Variants in SPEF2 observed in about 807,000 individuals in gnomAD.
SPEF2 encodes sperm flagellar and cilia associated 2.
A neutral mutation model predicts 224.6 loss-of-function variants in SPEF2; 187 were observed. The ratio of observed to expected loss-of-function variants is 0.83; its 90% CI spans 0.74 to 0.94. SPEF2 has a LOEUF of 0.94. SPEF2 is among the 40% of genes least tolerant of loss of function. SPEF2 has a pLI of 0.00. For missense variants in SPEF2, 2,170 were observed against 2,135.6 expected, an observed-to-expected ratio of 1.02 and a Z score of -0.32; for synonymous variants, 715 against 707.3, an observed-to-expected ratio of 1.01 and a Z score of -0.17.
chr5:35,785,626 C>G (rs1008155841), intron 30 of SPEF2, among the ~76,000 whole-genome samples: 3 of 150,518 alleles, frequency 2.0e-5, no homozygotes, highest in Admixed American at 1.3e-4. Flanking sequence ...CTCACTACAG[C>G]CTCAGCACAA....
At position 35,705,724 on chromosome 5, in the gene SPEF2, A is replaced by G. The variant is rs751534578; in HGVS notation, c.2581A>G (p.Ile861Val). 75 of 1,588,416 alleles carry G rather than the reference A, an allele frequency of 4.7e-5. No individual in the cohort carries two copies. The highest frequency in any genetic ancestry group is 6.2e-5 in the Non-Finnish European group (73 of 1,168,316). Residue 861 changes from isoleucine to valine, a missense_variant, in exon 18 of 37, where the codon ATC (isoleucine) becomes GTC (valine). Ile to Val is a conservative substitution (Grantham distance 29). Coordinates refer to ENST00000356031, the MANE Select transcript of SPEF2 (RefSeq NM_024867.4). Reference sequence around the variant, plus strand: ...AGAGCCAGAAAATATTTTGATAAAAATCAATGCTGAAATAGATAAGGAATC... The same window carrying G: ...AGAGCCAGAAAATATTTTGATAAAAGTCAATGCTGAAATAGATAAGGAATC... ...FSEPENILIK[I>V]NAEIDKESLC...
chr5:35,776,125 C>T, intron 28 of SPEF2, 132 bp from the exon 29 acceptor site: 1 of 773,404 alleles, frequency 1.3e-6, no homozygotes, highest in Non-Finnish European at 1.9e-6. Flanking sequence ...ATCATCTTAT[C>T]TATTCTGGTA....
At chr5:35,667,385 G>A (rs1310805199) in intron 9 of SPEF2, 126 bp downstream of exon 9, 2 of 878,086 alleles carry the variant, frequency 2.3e-6, no homozygotes, top group African/African-American at 3.5e-5. Context: ...ACTAAAAGGT[G>A]GGGTCCAGGA....
At chr5:35,694,040 A>T (rs1377202869) in intron 12 of SPEF2, among the ~76,000 whole-genome samples, 1 of 152,232 alleles carries the variant, frequency 6.6e-6, no homozygotes, top group Non-Finnish European at 1.5e-5. Flanking sequence ...GTAATTGAAG[A>T]CCATTCAAAA....
rs578232021 is a variant in SPEF2 at position 35,626,029 on chromosome 5, G to T, written c.59-2431G>T. On this transcript the variant is annotated intron_variant, in intron 1 of 36. Coordinates refer to ENST00000356031, the MANE Select transcript of SPEF2 (RefSeq NM_024867.4). Reference sequence around the variant, plus strand: ...CATTATGATATTCAAATGGTGTTGCGTTAAAGTCGGAAAAAATCAGTGCCT... The same window carrying T: ...CATTATGATATTCAAATGGTGTTGCTTTAAAGTCGGAAAAAATCAGTGCCT... Among the ~76,000 whole-genome samples the T allele has an allele frequency of 3.9e-5, 6 of 152,272 alleles. No individual in the cohort carries two copies. In the East Asian group the frequency reaches 1.2e-3, roughly 29 times the overall value.
rs775018795 is a variant in SPEF2, at chr5:35,774,035, C to T, written c.4078+14C>T. On this transcript the variant is annotated intron_variant, in intron 28 of 36. Coordinates refer to ENST00000356031, the MANE Select transcript of SPEF2 (RefSeq NM_024867.4). ...TGCAATTTGAAGGTAGCGATTGAAACGACTAAGATGATGCTTTTCAGTAGA... is the reference window on the plus strand; with the variant it reads ...TGCAATTTGAAGGTAGCGATTGAAATGACTAAGATGATGCTTTTCAGTAGA... 5.0e-6 allele frequency: 8 copies of T among 1,609,022 alleles called. No homozygotes were observed. The highest frequency in any genetic ancestry group is 2.2e-5 in the South Asian group (2 of 90,428).
rs1447258175 is a variant in SPEF2, at chr5:35,640,843, TG to T, written c.162-586del. On this transcript the variant is annotated intron_variant, in intron 2 of 36. Coordinates refer to ENST00000356031, the MANE Select transcript of SPEF2 (RefSeq NM_024867.4). ...ATTGCATCACTATTTTTGTTGACATTGGCCATCTCATGGTGCTGGCTCCTCA... is the reference window on the plus strand; with the variant it reads ...ATTGCATCACTATTTTTGTTGACATTGCCATCTCATGGTGCTGGCTCCTCA... Among the ~76,000 whole-genome samples the T allele has an allele frequency of 1.3e-4, 20 of 152,312 alleles. No homozygotes were observed. The South Asian group carries it at 1.7e-3, about 13-fold the overall frequency.
chr5:35,736,224 C>A (rs1424998534), intron 21 of SPEF2, among the ~76,000 whole-genome samples: 2 of 152,098 alleles, frequency 1.3e-5, no homozygotes, highest in East Asian at 3.9e-4. Context: ...AAAATGGATA[C>A]CCTTTACAGA....
At chr5:35,683,606 C>T (rs1230797253) in intron 10 of SPEF2, among the ~76,000 whole-genome samples, 1 of 152,196 alleles carries the variant, frequency 6.6e-6, no homozygotes, top group Non-Finnish European at 1.5e-5. Context: ...GCCTGGGTGA[C>T]AGAGTGAGAC....
rs140403371 is a variant in SPEF2 at position 35,635,979 on chromosome 5, A to G, written c.162-5452A>G. Among the ~76,000 whole-genome samples the G allele has an allele frequency of 1.9e-3, 287 of 152,172 alleles. 3 individuals are homozygous for G. The highest frequency in any genetic ancestry group is 6.5e-3 in the African/African-American group (269 of 41,522). ...TCTATTCACTTTTTTTTCCTTGTGT[A>G]TAGGTCATACTTTCTTGTTTCTTTG... On this transcript the variant is annotated intron_variant, in intron 2 of 36. Transcript: ENST00000356031.
rs753534592 is a variant in SPEF2 at position 35,709,054 on chromosome 5, A to G, written c.2772A>G (p.Lys924=). 3.7e-5 allele frequency: 60 copies of G among 1,613,834 alleles called. No homozygotes were observed. Among genetic ancestry groups the G allele is most frequent in the Non-Finnish European group, 4.9e-5 (58 of 1,179,964 alleles). Residue 924 remains lysine, a synonymous_variant, in exon 19 of 37, where the codon AAA becomes AAG. Coordinates refer to ENST00000356031, the MANE Select transcript of SPEF2 (RefSeq NM_024867.4). The part of the protein sequence containing the change: ...PPPAPPPEPE[K]EKEIHQSHVA... The stretch of plus-strand genomic sequence containing the variant: ...CTGCTCCTCCTCCTGAACCAGAAAA[A>G]GAGAAGGAAATTCATCAAAGCCATG...
At chr5:35,753,452 G>A (rs1749983974) in intron 23 of SPEF2, among the ~76,000 whole-genome samples, 172 bp from the exon 24 acceptor site, 1 of 152,170 alleles carries the variant, frequency 6.6e-6, no homozygotes, top group Non-Finnish European at 1.5e-5. Context: ...ACTGACAGAA[G>A]AGACTCAAGA....
At chr5:35,783,797 C>T (rs1754681962) in intron 30 of SPEF2, among the ~76,000 whole-genome samples, 1 of 152,112 alleles carries the variant, frequency 6.6e-6, no homozygotes, top group Admixed American at 6.5e-5. Flanking sequence ...CATCAAGTGC[C>T]AAATACATAA....
intron 36 of SPEF2, chr5:35,808,130 T>G: frequency 3.0e-6 from 3 of 989,692 alleles, no homozygotes; most frequent in Non-Finnish European, 3.6e-6. Context: ...TATTCAGACT[T>G]AAATATCTTC....
rs1390478455 is a variant in SPEF2 at position 35,670,190 on chromosome 5, G to C, written c.1487G>C (p.Arg496Thr). 6.2e-7 allele frequency: 1 copy of C among 1,611,478 alleles called. No individual in the cohort carries two copies. The highest frequency in any genetic ancestry group is 8.5e-7 in the Non-Finnish European group (1 of 1,178,564). Residue 496 changes from arginine (R) to threonine (T), a missense_variant, in exon 10 of 37, where the codon AGG (arginine) becomes ACG (threonine). By Grantham distance (71) the Arg-to-Thr change is moderately conservative. Transcript: ENST00000356031. ...GAACAACTTACAGAACTGGAGAAAAGGGACTTGCTAGATACCAATGATTAT... is the reference window on the plus strand; with the variant it reads ...GAACAACTTACAGAACTGGAGAAAACGGACTTGCTAGATACCAATGATTAT... ...SREQLTELEK[R>T]DLLDTNDYEE...
chr5:35,798,206 C>G (rs530233173), intron 33 of SPEF2, among the ~76,000 whole-genome samples: 1 of 152,140 alleles, frequency 6.6e-6, no homozygotes, highest in Non-Finnish European at 1.5e-5. Context: ...CAGCATCCCC[C>G]GCTCAAAACT....
At chr5:35,754,734 G>A (rs768116457) in intron 24 of SPEF2, among the ~76,000 whole-genome samples, 2 of 152,202 alleles carry the variant, frequency 1.3e-5, no homozygotes, top group Non-Finnish European at 2.9e-5. Context: ...ACAAAAGGGA[G>A]GTGGGCCCTA....
chr5:35,753,515 T>C lies in SPEF2; in HGVS notation c.3331-109T>C, dbSNP rs1367850699. Reference sequence around the variant, plus strand: ...ATACAGGAGTGCAATTGGTGTAAAATTTCTTTAGAGACATTTTTAAGAGAG... The same window carrying C: ...ATACAGGAGTGCAATTGGTGTAAAACTTCTTTAGAGACATTTTTAAGAGAG... On this transcript the variant is annotated intron_variant, in intron 23 of 36. Coordinates refer to ENST00000356031, the MANE Select transcript of SPEF2 (RefSeq NM_024867.4). The C allele has an allele frequency of 2.0e-6, 3 of 1,476,450 alleles. No individual in the cohort carries two copies. In the East Asian group the frequency reaches 6.8e-5, roughly 34 times the overall value. 91.5% of individuals were successfully genotyped at this position (1,476,450 alleles called of 1,614,324 possible). A position where few individuals can be genotyped will look rare whatever the true frequency, so the allele number is the denominator to read the frequency against.
intron 2 of SPEF2, among the ~76,000 whole-genome samples, chr5:35,631,988 C>T (rs531656796): frequency 2.0e-5 from 3 of 152,268 alleles, no homozygotes; most frequent in Admixed American, 6.5e-5. Flanking sequence ...CTTCATTGTC[C>T]GTATCACTGT....
Sources: allele counts gnomAD v4.1 joint callset (sites outside exome capture counted in the v4.1 genomes callset), GRCh38; gene constraint gnomAD v4.1.1; transcripts MANE v1.5; gene names NCBI Gene and HGNC (gene_info 2026-07-23, HGNC 2026-07-21).